SULT6B1: variants seen among roughly 807,000 people sequenced by gnomAD.
SULT6B1 encodes sulfotransferase family 6B member 1.
In SULT6B1, 44 loss-of-function variants were observed where a neutral mutation model predicts 37.2. The observed-to-expected ratio is 1.18, with a 90% CI of 0.93 to 1.52. The LOEUF (loss-of-function observed/expected upper bound fraction) is 1.52. SULT6B1 is among the 40% of genes most tolerant of loss of function. The pLI is 0.00. For missense variants in SULT6B1, 450 were observed against 361.0 expected, an observed-to-expected ratio of 1.25 and a Z score of -2.00; for synonymous variants, 140 against 126.0, an observed-to-expected ratio of 1.11 and a Z score of -0.74.
upstream of SULT6B1, chr2:37,191,273 A>T (rs1177223883): frequency 3.3e-5 from 5 of 152,092 alleles, no homozygotes; most frequent in Non-Finnish European, 7.3e-5. Flanking sequence ...AAAAAAAAAA[A>T]AAAAAAAATC....
chr2:37,181,154 C>T (rs1188221884), intron 3 of SULT6B1, among the ~76,000 whole-genome samples: 1 of 152,124 alleles, frequency 6.6e-6, no homozygotes, highest in Non-Finnish European at 1.5e-5. Flanking sequence ...ATCAATGGGT[C>T]TGGGTCTTGT....
At chr2:37,184,810 C>T (rs549034498) in intron 2 of SULT6B1, among the ~76,000 whole-genome samples, 394 of 150,954 alleles carry the variant, frequency 2.6e-3, no homozygotes, top group Non-Finnish European at 4.2e-3. Context: ...CCAGCCTGAG[C>T]GACAGAGTGA....
Position 37,187,453 on chromosome 2 carries a change from G to T in SULT6B1, c.214C>A (p.Leu72Ile), listed in dbSNP as rs1160998169. The T allele has an allele frequency of 6.3e-7, 1 of 1,596,722 alleles. No homozygotes were observed. The highest frequency in any genetic ancestry group is 2.2e-5 in the East Asian group (1 of 44,536). The change falls in exon 2 of 7, where the codon CTC (leucine) becomes ATC (isoleucine). Residue 72 changes from leucine to isoleucine, a missense_variant. Leu to Ile is a conservative substitution (Grantham distance 5, BLOSUM62 2). Coordinates refer to ENST00000535679, the MANE Select transcript of SULT6B1 (RefSeq NM_001367551.1). ...SYPKCGSNWI[L>I]HIVSELIYAV... is the part of the protein sequence containing the mutation. ...TATATTAATTCACTGACAATGTGGA[G>T]AATCCAGTTTGAACCTATCAGAAAA...
chr2:37,168,588 T>G (rs185354978), intron 6 of SULT6B1, among the ~76,000 whole-genome samples: 3 of 152,316 alleles, frequency 2.0e-5, no homozygotes, highest in Admixed American at 6.5e-5. Context: ...TCAGCCTCAG[T>G]GATACCCTAA....
chr2:37,173,010 A>C (rs6710676), intron 5 of SULT6B1, among the ~76,000 whole-genome samples: 7 of 149,690 alleles, frequency 4.7e-5, no homozygotes, highest in Admixed American at 4.0e-4. Context: ...GCACCACCAC[A>C]CCCAGCTAAT....
chr2:37,181,006 G>T (rs1349296856), intron 3 of SULT6B1, among the ~76,000 whole-genome samples: 1 of 152,132 alleles, frequency 6.6e-6, no homozygotes, highest in Non-Finnish European at 1.5e-5. Context: ...ATGTTTTAAT[G>T]AATCATTTAG....
At chr2:37,190,100 T>C (rs751026204), upstream of SULT6B1, among the ~76,000 whole-genome samples, 32 of 152,358 alleles carry the variant, frequency 2.1e-4, no homozygotes, top group Non-Finnish European at 4.0e-4. Context: ...ACTGAATTAT[T>C]GGAGTCTCAA....
chr2:37,178,982 A>G (rs770606429), intron 4 of SULT6B1, among the ~76,000 whole-genome samples: 1 of 148,744 alleles, frequency 6.7e-6, no homozygotes, highest in Non-Finnish European at 1.5e-5. Flanking sequence ...TGTTTTTTTG[A>G]GACAGAGTCT....
intron 5 of SULT6B1, among the ~76,000 whole-genome samples, chr2:37,174,346 T>C (rs1325737562): frequency 6.6e-6 from 1 of 150,916 alleles, no homozygotes; most frequent in Non-Finnish European, 1.5e-5. Flanking sequence ...GTGATCCTCC[T>C]GTCTCAGCTT....
chr2:37,186,010 C>G (rs1676666285), intron 2 of SULT6B1, among the ~76,000 whole-genome samples: 1 of 152,134 alleles, frequency 6.6e-6, no homozygotes, highest in Non-Finnish European at 1.5e-5. Flanking sequence ...GGGCTCGGCA[C>G]TTACCTCCAA....
At chr2:37,194,460 C>T (rs1676850379) in intron 1 of SULT6B1, 2 of 427,476 alleles carry the variant, frequency 4.7e-6, no homozygotes, top group Non-Finnish European at 9.1e-6. Context: ...TCTTCATCCT[C>T]ATTACATCCT....
intron 2 of SULT6B1, among the ~76,000 whole-genome samples, chr2:37,184,185 G>C (rs368788946): frequency 8.5e-5 from 13 of 152,142 alleles, no homozygotes; most frequent in East Asian, 3.9e-4. Context: ...TGTATTCAAG[G>C]TCTTTAACAG....
intron 2 of SULT6B1, among the ~76,000 whole-genome samples, chr2:37,186,557 C>T (rs2148298837): frequency 6.6e-6 from 1 of 152,230 alleles, no homozygotes; most frequent in Middle Eastern, 3.4e-3. Flanking sequence ...TCCTTCCCAT[C>T]CCTTACACAC....
intron 2 of SULT6B1, among the ~76,000 whole-genome samples, chr2:37,187,061 A>G (rs940629215): frequency 6.6e-6 from 1 of 152,232 alleles, no homozygotes; most frequent in Non-Finnish European, 1.5e-5. Flanking sequence ...GCTATACAGT[A>G]TAGTTGTTAA....
intron 1 of SULT6B1, among the ~76,000 whole-genome samples, chr2:37,193,772 T>C (rs539146088): frequency 7.2e-5 from 11 of 152,324 alleles, no homozygotes; most frequent in Admixed American, 5.9e-4. Flanking sequence ...GAGGTCCCTA[T>C]GGCCACTACA....
chr2:37,187,238 G>C, intron 2 of SULT6B1, 117 bp downstream of exon 2: 1 of 671,760 alleles, frequency 1.5e-6, no homozygotes, highest in East Asian at 2.7e-5. Flanking sequence ...TAAGCACACA[G>C]TAAATTGTGG....
chr2:37,188,734 C>G (rs1258468776), upstream of SULT6B1: 3 of 559,766 alleles, frequency 5.4e-6, no homozygotes, highest in African/African-American at 3.8e-5. Flanking sequence ...AAGGGCTCCT[C>G]CCAGTCACAT....
In SULT6B1 at chr2:37,187,401, T is replaced by C; in HGVS notation, c.266A>G (p.Tyr89Cys). 1 of 1,609,402 alleles carries C rather than the reference T, an allele frequency of 6.2e-7. No individual in the cohort carries two copies. Among genetic ancestry groups the C allele is most frequent in the Non-Finnish European group, 8.5e-7 (1 of 1,176,686 alleles). The change falls in exon 2 of 7, where the codon TAT becomes TGT. Residue 89 changes from tyrosine to cysteine, a missense_variant. Transcript: ENST00000535679. Reference sequence around the variant, plus strand: ...ACATTCAAGAACTGGGAATTCTGGATATTTATACTTTTTTTTAGAAACAGC... The same window carrying C: ...ACATTCAAGAACTGGGAATTCTGGACATTTATACTTTTTTTTAGAAACAGC... Reference protein sequence around the residue: ...IYAVSKKKYKYPEFPVLECGD... With the variant: ...IYAVSKKKYKCPEFPVLECGD...
rs1216241695 is a variant in SULT6B1 at position 37,188,608 on chromosome 2, A to G, written c.33T>C (p.Ile11=). 6.9e-7 allele frequency: 1 copy of G among 1,454,514 alleles called. No individual in the cohort carries two copies. The highest frequency in any genetic ancestry group is 2.3e-5 in the East Asian group (1 of 43,974). 90.1% of individuals were successfully genotyped at this position (1,454,514 alleles called of 1,614,324 possible). A position where few individuals can be genotyped will look rare whatever the true frequency, so the allele number is the denominator to read the frequency against. ...CTTTTGATTTTTCTAAAGCTTCGTCAATGTATTCAATAAATTTGGATTTAT... is the reference window on the plus strand; with the variant it reads ...CTTTTGATTTTTCTAAAGCTTCGTCGATGTATTCAATAAATTTGGATTTAT... MADKSKFIEY[I]DEALEKSKET... Residue 11 remains isoleucine, a synonymous_variant, in exon 1 of 7, where the codon ATT becomes ATC. Coordinates refer to ENST00000535679, the MANE Select transcript of SULT6B1 (RefSeq NM_001367551.1).
Sources: allele counts gnomAD v4.1 joint callset (sites outside exome capture counted in the v4.1 genomes callset), GRCh38; gene constraint gnomAD v4.1.1; transcripts MANE v1.5; gene names NCBI Gene and HGNC (gene_info 2026-07-23, HGNC 2026-07-21).